The following KCNH5 variants were observed in gnomAD, a reference collection of about 807,000 sequenced individuals.
KCNH5 encodes the protein potassium voltage-gated channel subfamily H member 5.
Under a neutral mutation model 96.1 loss-of-function variants are expected in KCNH5, and 46 were observed. The ratio of observed to expected loss-of-function variants is 0.48; its 90% CI spans 0.38 to 0.61. The LOEUF is 0.61. Ranked by LOEUF, KCNH5 falls within the 20% of genes least tolerant of loss-of-function variation. The pLI, the probability that KCNH5 is intolerant of heterozygous loss-of-function variation, is 0.00. For missense variants in KCNH5, 907 were observed against 1,225.8 expected (o/e 0.74, Z 3.88); for synonymous variants, 439 against 449.8 (o/e 0.98, Z 0.30).
intron 9 of KCNH5, among the ~76,000 whole-genome samples, chr14:62,783,547 G>A (rs1368318379): frequency 6.6e-6 from 1 of 152,064 alleles, no homozygotes; most frequent in Non-Finnish European, 1.5e-5. Flanking sequence ...ATTTATGAGT[G>A]CTCATTACTT....
At chr14:62,818,292 T>G (rs552048338) in intron 8 of KCNH5, among the ~76,000 whole-genome samples, 1 of 152,258 alleles carries the variant, frequency 6.6e-6, no homozygotes, top group African/African-American at 2.4e-5. Context: ...TAGCTTGCTT[T>G]TGGTAGTCAT....
chr14:62,779,273 G>A (rs1318519667), intron 10 of KCNH5, among the ~76,000 whole-genome samples: 9 of 152,152 alleles, frequency 5.9e-5, no homozygotes, highest in Non-Finnish European at 1.3e-4. Flanking sequence ...TTGAGATAGC[G>A]TTCTTTGAAA....
intron 9 of KCNH5, among the ~76,000 whole-genome samples, chr14:62,782,185 T>A (rs1886233160): frequency 1.3e-5 from 2 of 151,940 alleles, no homozygotes; most frequent in Admixed American, 6.6e-5. Flanking sequence ...ACAAAGACAG[T>A]GACAAGACAG....
chr14:62,948,653 A>C (rs1480215373), intron 7 of KCNH5, among the ~76,000 whole-genome samples: 1 of 150,936 alleles, frequency 6.6e-6, no homozygotes, highest in Non-Finnish European at 1.5e-5. Flanking sequence ...TCCCTAACTA[A>C]TTTTATGAGG....
chr14:62,909,236 G>A (rs1218477870), intron 7 of KCNH5, among the ~76,000 whole-genome samples: 2 of 150,292 alleles, frequency 1.3e-5, no homozygotes, highest in East Asian at 2.0e-4. Flanking sequence ...TAGTAGAGAC[G>A]GGGTTTCACC....
intron 7 of KCNH5, among the ~76,000 whole-genome samples, chr14:62,881,085 A>G (rs1366262397): frequency 1.3e-5 from 2 of 152,242 alleles, no homozygotes; most frequent in Non-Finnish European, 2.9e-5. Context: ...AACATCTTTA[A>G]GCCTTCAATA....
chr14:62,843,648 G>C (rs1161634435), intron 8 of KCNH5, among the ~76,000 whole-genome samples: 1 of 151,862 alleles, frequency 6.6e-6, no homozygotes, highest in Non-Finnish European at 1.5e-5. Flanking sequence ...CTCACCTCGT[G>C]ATCCGCCTGC....
At chr14:62,787,199 GCGAA>G (rs1158775750) in intron 9 of KCNH5, among the ~76,000 whole-genome samples, 2 of 152,198 alleles carry the variant, frequency 1.3e-5, no homozygotes, top group South Asian at 2.1e-4. Flanking sequence ...TGCTACTCCA[GCGAA>G]CACATGAATG....
Position 62,701,244 on chromosome 14 carries a change from A to T in KCNH5, c.*6264T>A, listed in dbSNP as rs1420584001. On this transcript the variant is annotated 3_prime_UTR_variant, in exon 11 of 11. Transcript: ENST00000322893. ...TTTCTAAAGAAGGCCCCAGCATTTGACAAGCTTTCAAACTGCTTCCAAAGG... is the reference window on the plus strand; with the variant it reads ...TTTCTAAAGAAGGCCCCAGCATTTGTCAAGCTTTCAAACTGCTTCCAAAGG... 5 of 152,184 alleles carry T rather than the reference A, an allele frequency of 3.3e-5. No individual in the cohort carries two copies. The highest frequency in any genetic ancestry group is 1.2e-4 in the African/African-American group (5 of 41,460). The allele number at this position is 152,184 out of a possible 1,614,324, so 9.4% of individuals were successfully genotyped here.
At chr14:63,001,553 A>T (rs1311373015) in intron 3 of KCNH5, 94 bp from the exon 4 acceptor site, 2 of 1,185,016 alleles carry the variant, frequency 1.7e-6, no homozygotes, top group Admixed American at 5.0e-5. Flanking sequence ...TTCAGCTGCC[A>T]ACAGCTGTGC....
intron 5 of KCNH5, among the ~76,000 whole-genome samples, chr14:62,983,843 A>T (rs1890656311): frequency 6.6e-6 from 1 of 152,178 alleles, no homozygotes; most frequent in Non-Finnish European, 1.5e-5. Flanking sequence ...CCAAGGTAAG[A>T]TATCTGTCTT....
chr14:62,746,999 C>A (rs1185277895), intron 10 of KCNH5, among the ~76,000 whole-genome samples: 3 of 152,224 alleles, frequency 2.0e-5, no homozygotes, highest in Non-Finnish European at 4.4e-5. Flanking sequence ...CCTTCTACTT[C>A]TAAAAGTGCA....
chr14:62,725,409 T>C (rs557662157), intron 10 of KCNH5, among the ~76,000 whole-genome samples: 1 of 152,288 alleles, frequency 6.6e-6, no homozygotes, highest in Admixed American at 6.5e-5. Context: ...TGAGAAGAGT[T>C]TTTGCCATTT....
intron 7 of KCNH5, among the ~76,000 whole-genome samples, chr14:62,891,432 A>G (rs1430199475): frequency 2.0e-5 from 3 of 152,168 alleles, no homozygotes; most frequent in Non-Finnish European, 2.9e-5. Context: ...GAGGGAGAGG[A>G]GCATAAAAGA....
chr14:62,773,077 G>T (rs1044365147), intron 10 of KCNH5, among the ~76,000 whole-genome samples: 1 of 152,176 alleles, frequency 6.6e-6, no homozygotes, highest in African/African-American at 2.4e-5. Flanking sequence ...ACACAATCAA[G>T]TATTGGATTT....
At position 62,939,260 on chromosome 14, in the gene KCNH5, T is replaced by C. The variant is rs116916138; in HGVS notation, c.1369+10873A>G. ...TCCTTCCAGAGTCATGCTTCCATTC[T>C]ACCTCACTGGGTTCTCTTCTCAGCC... On this transcript the variant is annotated intron_variant, in intron 7 of 10. Transcript: ENST00000322893. Among the ~76,000 whole-genome samples the C allele has an allele frequency of 5.1e-3, 777 of 152,314 alleles. 30 individuals carry two copies. In the East Asian group the frequency reaches 0.092, roughly 18 times the overall value.
At position 62,708,393 on chromosome 14, in the gene KCNH5, A is replaced by G. The variant is rs148060194; in HGVS notation, c.2082T>C (p.Asn694=). The change falls in exon 11 of 11, where the codon AAT becomes AAC. Residue 694 remains asparagine, a synonymous_variant. Transcript: ENST00000322893. The stretch of plus-strand genomic sequence containing the variant: ...CCACGGGAATGCTGAGGGTCACCTC[A>G]TTCTTCTGCCGGAGGCGCTCCTCCT... ...KEEEERLRQK[N]EVTLSIPVDH... 6.6e-5 allele frequency: 107 copies of G among 1,612,552 alleles called. No individual in the cohort carries two copies. The highest frequency in any genetic ancestry group is 8.6e-5 in the Non-Finnish European group (102 of 1,179,792).
intron 9 of KCNH5, among the ~76,000 whole-genome samples, chr14:62,795,144 T>C (rs4902187): frequency 0.58 from 87,782 of 151,928 alleles, 25,657 homozygotes; most frequent in South Asian, 0.8. Flanking sequence ...ACTAAAGTTA[T>C]GGGCTTTTGA....
intron 8 of KCNH5, among the ~76,000 whole-genome samples, chr14:62,842,377 GGTCA>G (rs1182812433): frequency 6.7e-6 from 1 of 149,490 alleles, no homozygotes; most frequent in Non-Finnish European, 1.5e-5. Context: ...AAAATGTGTA[GGTCA>G]GTCAGAAAAG....
Sources: allele counts gnomAD v4.1 joint callset (sites outside exome capture counted in the v4.1 genomes callset), GRCh38; gene constraint gnomAD v4.1.1; transcripts MANE v1.5; gene names NCBI Gene and HGNC (gene_info 2026-07-23, HGNC 2026-07-21).